ITGB1: variants seen among roughly 807,000 people sequenced by gnomAD.
The protein encoded by ITGB1 is integrin subunit beta 1, also known as integrin beta-1.
A neutral mutation model predicts 86.5 loss-of-function variants in ITGB1; 24 were observed. The ratio of observed to expected loss-of-function variants is 0.28; its 90% CI spans 0.20 to 0.39. ITGB1 has a LOEUF of 0.39. ITGB1 is among the 10% of genes least tolerant of loss of function. The probability of loss-of-function intolerance (pLI) is 1.00; values close to 1 mark genes in which losing one functional copy is unlikely to be tolerated. For missense variants in ITGB1, 556 were observed against 946.9 expected (o/e 0.59, Z 5.42); for synonymous variants, 323 against 316.8 (o/e 1.02, Z -0.21).
chr10:32,901,415 C>A lies in ITGB1; in HGVS notation c.*155G>T, dbSNP rs199762334. 3.9e-6 allele frequency: 2 copies of A among 519,384 alleles called. No individual in the cohort carries two copies. Among genetic ancestry groups the A allele is most frequent in the Non-Finnish European group, 6.8e-6 (2 of 295,490 alleles). 32.2% of individuals were successfully genotyped at this position (519,384 alleles called of 1,614,324 possible). A position where few individuals can be genotyped will look rare whatever the true frequency, so the allele number is the denominator to read the frequency against. On this transcript the variant is annotated 3_prime_UTR_variant, in exon 16 of 16. Transcript: ENST00000302278. ...CTGGCATGAATTACAACATTATTTTCAAAATAATAAAACATTTTAAAAATT... is the reference window on the plus strand; with the variant it reads ...CTGGCATGAATTACAACATTATTTTAAAAATAATAAAACATTTTAAAAATT...
chr10:32,908,236 G>A (rs2137162292), intron 15 of ITGB1, 132 bp downstream of exon 15: 1 of 849,620 alleles, frequency 1.2e-6, no homozygotes, highest in South Asian at 1.6e-5. Context: ...AATTCCTTGA[G>A]TAAGAAACTT....
chr10:32,950,918 C>T (rs575982475), intron 1 of ITGB1, among the ~76,000 whole-genome samples: 2 of 152,106 alleles, frequency 1.3e-5, no homozygotes, highest in African/African-American at 2.4e-5. Context: ...TGACTCTACC[C>T]GCCTTCTCCA....
intron 3 of ITGB1, among the ~76,000 whole-genome samples, chr10:32,930,322 AT>A (rs2094979237): frequency 6.6e-6 from 1 of 152,140 alleles, no homozygotes; most frequent in African/African-American, 2.4e-5. Context: ...ATCAAAAGCA[AT>A]TTCTTTAGTG....
chr10:32,920,598 G>A (rs536805235), intron 9 of ITGB1, among the ~76,000 whole-genome samples: 1 of 152,134 alleles, frequency 6.6e-6, no homozygotes, highest in African/African-American at 2.4e-5. Context: ...ATTGAAAAGA[G>A]TATTCCTGTT....
chr10:32,910,118 C>T, intron 14 of ITGB1, 105 bp downstream of exon 14: 1 of 763,566 alleles, frequency 1.3e-6, no homozygotes, highest in Non-Finnish European at 2.1e-6. Flanking sequence ...CCCAACTTGA[C>T]CTAAAATATT....
At chr10:32,920,501 C>A in intron 9 of ITGB1, 116 bp from the exon 10 acceptor site, 2 of 847,748 alleles carry the variant, frequency 2.4e-6, no homozygotes, top group East Asian at 2.6e-5. Flanking sequence ...ATCTACAAGC[C>A]AAATCCAATT....
At chr10:32,940,806 T>C (rs1049011298) in intron 1 of ITGB1, among the ~76,000 whole-genome samples, 2 of 152,218 alleles carry the variant, frequency 1.3e-5, no homozygotes, top group East Asian at 3.9e-4. Flanking sequence ...TACCAAAGAA[T>C]TTACACAAAG....
intron 15 of ITGB1, among the ~76,000 whole-genome samples, chr10:32,904,275 C>T (rs1337243804): frequency 6.6e-6 from 1 of 151,888 alleles, no homozygotes. Flanking sequence ...AGTGCAACAC[C>T]ACCCCACCCC....
In ITGB1 at chr10:32,919,929, G is replaced by C. The variant is rs151175196; in HGVS notation, c.1425C>G (p.Pro475=). The part of the protein sequence containing the change: ...ECQSEGIPES[P]KCHEGNGTFE... The stretch of plus-strand genomic sequence containing the variant: ...ATGTCCCATTTCCTTCATGACACTT[G>C]GGACTTTCAGGGATGCCTTCGCTTT... The change falls in exon 11 of 16, where the codon CCC becomes CCG. Residue 475 remains proline (P), a synonymous_variant. Transcript: ENST00000302278. 3.1e-6 allele frequency: 5 copies of C among 1,613,944 alleles called. No individual in the cohort carries two copies. The African/African-American group carries it at 5.3e-5, about 17-fold the overall frequency.
At chr10:32,941,034 T>C (rs148164142) in intron 1 of ITGB1, among the ~76,000 whole-genome samples, 2 of 152,144 alleles carry the variant, frequency 1.3e-5, no homozygotes, top group South Asian at 4.1e-4. Flanking sequence ...AAGGACACAG[T>C]GCACTGAGGA....
chr10:32,931,918 T>C (rs1420060879), intron 3 of ITGB1, among the ~76,000 whole-genome samples: 1 of 152,102 alleles, frequency 6.6e-6, no homozygotes. Flanking sequence ...GGTACCATAT[T>C]AGCAAAAGTA....
At position 32,928,099 on chromosome 10, in the gene ITGB1, C is replaced by T. The variant is rs754739008; in HGVS notation, c.542G>A (p.Arg181Lys). ...NEMRRITSDF[R>K]IGFGSFVEKT... Reference sequence around the variant, plus strand: ...AATGTTCCCAACATTCCTACCAATTCTGAAGTCCGAAGTAATCCTCCTCAT... The same window carrying T: ...AATGTTCCCAACATTCCTACCAATTTTGAAGTCCGAAGTAATCCTCCTCAT... The change falls in exon 5 of 16, where the codon AGA becomes AAA. Residue 181 changes from arginine to lysine, a missense_variant. Physicochemically the swap from Arg to Lys is conservative, Grantham distance 26. This residue lies in a region of ITGB1 where 183 missense variants were observed against 263.9 expected (regional missense o/e 0.69). Transcript: ENST00000302278. 1.9e-6 allele frequency: 3 copies of T among 1,565,456 alleles called. No homozygotes were observed. The highest frequency in any genetic ancestry group is 1.8e-5 in the Admixed American group (1 of 55,644).
intron 6 of ITGB1, among the ~76,000 whole-genome samples, 175 bp from the exon 7 acceptor site, chr10:32,923,915 A>C (rs889508802): frequency 7.2e-5 from 11 of 152,208 alleles, no homozygotes; most frequent in African/African-American, 2.2e-4. Flanking sequence ...CACTGAATGA[A>C]GCTCTTCCAT....
intron 1 of ITGB1, among the ~76,000 whole-genome samples, chr10:32,950,272 T>A (rs2095040066): frequency 2.6e-5 from 4 of 152,012 alleles, no homozygotes; most frequent in Non-Finnish European, 5.9e-5. Flanking sequence ...AGACATGAGG[T>A]TCCTCCCACT....
intron 1 of ITGB1, among the ~76,000 whole-genome samples, chr10:32,947,571 A>C (rs1016152559): frequency 6.6e-6 from 1 of 152,070 alleles, no homozygotes; most frequent in Non-Finnish European, 1.5e-5. Flanking sequence ...AATGATGTAC[A>C]TGGTTGACTT....
At chr10:32,929,786 A>T in intron 4 of ITGB1, 36 bp downstream of exon 4, 1 of 1,214,968 alleles carries the variant, frequency 8.2e-7, no homozygotes, top group Non-Finnish European at 1.2e-6. Flanking sequence ...TGCCTCAAGT[A>T]AACACGCAGG....
chr10:32,925,683 T>C (rs764295160), intron 6 of ITGB1, among the ~76,000 whole-genome samples, 188 bp downstream of exon 6: 1 of 152,226 alleles, frequency 6.6e-6, no homozygotes, highest in Non-Finnish European at 1.5e-5. Flanking sequence ...TGCATAAAGA[T>C]TAAATATGCT....
Position 32,923,614 on chromosome 10 carries a change from T to C in ITGB1, c.913A>G (p.Asn305Asp). Reference protein sequence around the residue: ...LPNDGQCHLENNMYTMSHYYD... With the variant: ...LPNDGQCHLEDNMYTMSHYYD... Reference sequence around the variant, plus strand: ...TAATGGCTCATTGTGTACATATTATTTTCCAGGTGACATTGTCCATCATTT... The same window carrying C: ...TAATGGCTCATTGTGTACATATTATCTTCCAGGTGACATTGTCCATCATTT... The change falls in exon 7 of 16, where the codon AAT becomes GAT. Residue 305 changes from asparagine (N) to aspartate (D), a missense_variant. Physicochemically the swap from Asn to Asp is conservative, Grantham distance 23. Around this residue, in one of 4 missense-constraint regions of ITGB1, gnomAD observed 330 missense variants for 531.5 expected, o/e 0.62. Transcript: ENST00000302278. 6.2e-7 allele frequency: 1 copy of C among 1,613,758 alleles called. No individual in the cohort carries two copies. Among genetic ancestry groups the C allele is most frequent in the Non-Finnish European group, 8.5e-7 (1 of 1,179,834 alleles).
intron 1 of ITGB1, among the ~76,000 whole-genome samples, chr10:32,943,300 A>T (rs2095023324): frequency 6.6e-6 from 1 of 152,234 alleles, no homozygotes; most frequent in Non-Finnish European, 1.5e-5. Flanking sequence ...AAGTTATATT[A>T]CTGGGTTATA....
Sources: gnomAD v4.1 joint callset for allele counts (sites outside exome capture counted in the v4.1 genomes callset) on GRCh38, gnomAD v4.1.1 for gene constraint, gnomAD v4.1.1 regional missense constraint, MANE v1.5 for transcripts, NCBI Gene and HGNC (gene_info 2026-07-23, HGNC 2026-07-21) for gene names.